ANO1: variants seen among roughly 807,000 people sequenced by gnomAD.
The protein encoded by ANO1 is anoctamin 1.
In ANO1, 59 loss-of-function variants were observed where a neutral mutation model predicts 124.0. The ratio of observed to expected loss-of-function variants is 0.48; its 90% CI spans 0.39 to 0.59. The LOEUF (loss-of-function observed/expected upper bound fraction) is 0.59. ANO1 is among the 20% of genes least tolerant of loss of function. ANO1 has a pLI of 0.00. For missense variants in ANO1, 1,059 were observed against 1,328.0 expected, an observed-to-expected ratio of 0.80 and a Z score of 3.15; for synonymous variants, 529 against 532.0, an observed-to-expected ratio of 0.99 and a Z score of 0.08.
At chr11:70,121,432 G>A (rs1565221232) in intron 8 of ANO1, among the ~76,000 whole-genome samples, 1 of 114,050 alleles carries the variant, frequency 8.8e-6, no homozygotes, top group African/African-American at 3.5e-5. Context: ...CTCTCTGTCA[G>A]TCTCTCTGTC....
intron 1 of ANO1, among the ~76,000 whole-genome samples, chr11:70,047,931 G>C (rs1465883321): frequency 4.6e-5 from 7 of 152,196 alleles, no homozygotes; most frequent in Non-Finnish European, 1.0e-4. Flanking sequence ...TATCGTTGTG[G>C]AATGAGAATG....
chr11:70,105,479 G>A (rs2045485202), intron 4 of ANO1, among the ~76,000 whole-genome samples: 1 of 152,166 alleles, frequency 6.6e-6, no homozygotes, highest in African/African-American at 2.4e-5. Flanking sequence ...GGGGCTGGAG[G>A]GTGGTCTGAC....
At chr11:70,152,035 C>T (rs569985857) in intron 12 of ANO1, among the ~76,000 whole-genome samples, 1 of 152,302 alleles carries the variant, frequency 6.6e-6, no homozygotes, top group South Asian at 2.1e-4. Flanking sequence ...CATCCTAATT[C>T]TTAAGAAAGT....
Position 69,993,733 on chromosome 11 carries a change from A to G in ANO1, c.58+7567A>G, listed in dbSNP as rs539432842. ...AATCTGTCCACTGCTTTCCATATCT[A>G]CAGACAAACAAGATGACTTCACTCT... On this transcript the variant is annotated intron_variant, in intron 1 of 27. Transcript: ENST00000531349. 3.9e-5 allele frequency among the ~76,000 whole-genome samples: 6 copies of G among 152,264 alleles called. No individual in the cohort carries two copies. In the East Asian group the frequency reaches 7.7e-4, roughly 20 times the overall value.
At chr11:70,174,862 G>T (rs1015680070) in intron 22 of ANO1, among the ~76,000 whole-genome samples, 1 of 151,898 alleles carries the variant, frequency 6.6e-6, no homozygotes, top group Non-Finnish European at 1.5e-5. Context: ...CCTGTCCCAT[G>T]GCAGTAAAGA....
At chr11:70,170,169 C>T (rs1324872910) in intron 21 of ANO1, 1 of 455,648 alleles carries the variant, frequency 2.2e-6, no homozygotes, top group South Asian at 1.5e-5. Flanking sequence ...GCCATGCAGG[C>T]AGGTCCCCCA....
At chr11:70,123,093 TC>T (rs942507778) in intron 8 of ANO1, among the ~76,000 whole-genome samples, 1 of 152,146 alleles carries the variant, frequency 6.6e-6, no homozygotes, top group African/African-American at 2.4e-5. Flanking sequence ...AGAGATCGCA[TC>T]CTTCAGTGTA....
intron 1 of ANO1, among the ~76,000 whole-genome samples, chr11:70,055,979 C>G (rs1857426445): frequency 6.6e-6 from 1 of 151,310 alleles, no homozygotes; most frequent in African/African-American, 2.5e-5. Flanking sequence ...TTCCCTCCCA[C>G]CCCACCTTTT....
At chr11:69,999,212 G>A (rs558414508) in intron 1 of ANO1, among the ~76,000 whole-genome samples, 17 of 152,218 alleles carry the variant, frequency 1.1e-4, no homozygotes, top group East Asian at 9.7e-4. Flanking sequence ...GGAGGAAGGC[G>A]AAGGGGAAGC....
At chr11:70,177,582 T>TC (rs1349745210) in intron 22 of ANO1, among the ~76,000 whole-genome samples, 1 of 144,194 alleles carries the variant, frequency 6.9e-6, no homozygotes, top group Non-Finnish European at 1.5e-5. Flanking sequence ...ATTTTTCTTT[T>TC]CTTTTTTTTT....
At chr11:70,129,253 G>C (rs910373127) in intron 10 of ANO1, 1 of 152,246 alleles carries the variant, frequency 6.6e-6, no homozygotes, top group Non-Finnish European at 1.5e-5. Context: ...CAACAGCGTT[G>C]GTGACCACGT....
chr11:69,979,889 T>A, the ANO1 span, among the ~76,000 whole-genome samples: 1 of 152,182 alleles, frequency 6.6e-6, no homozygotes, highest in East Asian at 1.9e-4. Flanking sequence ...AGGAGGTCCA[T>A]CATGCCTCCA....
At chr11:70,177,594 C>CTTTTTTTTTTCTT (rs1565281935) in intron 22 of ANO1, among the ~76,000 whole-genome samples, 12 of 78,928 alleles carry the variant, frequency 1.5e-4, no homozygotes, top group Admixed American at 1.9e-4. Context: ...TTTTTTTTTT[C>CTTTTTTTTTTCTT]TTTTTTTTTT....
At chr11:70,023,266 A>C (rs1312550038) in intron 1 of ANO1, among the ~76,000 whole-genome samples, 3 of 152,206 alleles carry the variant, frequency 2.0e-5, no homozygotes, top group African/African-American at 7.2e-5. Flanking sequence ...TTGGACCGGC[A>C]TGTGTTAGTG....
intron 1 of ANO1, among the ~76,000 whole-genome samples, chr11:70,019,744 T>C (rs188893702): frequency 1.2e-4 from 18 of 152,310 alleles, no homozygotes; most frequent in Non-Finnish European, 2.2e-4. Context: ...GCCCCTTGGG[T>C]AATTCTAGGG....
At chr11:70,125,986 G>C (rs181255586) in intron 9 of ANO1, 75 bp from the exon 10 acceptor site, 2 of 1,504,170 alleles carry the variant, frequency 1.3e-6, no homozygotes, top group East Asian at 2.4e-5. Context: ...CTCTTGCTGG[G>C]GAGGGCCTGT....
At chr11:70,154,105 G>T (rs1319677837) in intron 14 of ANO1, among the ~76,000 whole-genome samples, 1 of 152,170 alleles carries the variant, frequency 6.6e-6, no homozygotes, top group African/African-American at 2.4e-5. Context: ...TGTGGGACAA[G>T]CAGGCATGGA....
chr11:70,119,443 TGATG>T (rs1002455680), intron 8 of ANO1, among the ~76,000 whole-genome samples: 5 of 146,296 alleles, frequency 3.4e-5, no homozygotes, highest in African/African-American at 7.7e-5. Context: ...GAATAATTAA[TGATG>T]GATGGATGGA....
chr11:70,058,779 A>T (rs1230358098), intron 1 of ANO1, among the ~76,000 whole-genome samples: 1 of 152,216 alleles, frequency 6.6e-6, no homozygotes, highest in Non-Finnish European at 1.5e-5. Flanking sequence ...TCTTTAAAAG[A>T]TCATTAGTCC....
Sources: gnomAD v4.1 joint callset for allele counts (sites outside exome capture counted in the v4.1 genomes callset) on GRCh38, gnomAD v4.1.1 for gene constraint, MANE v1.5 for transcripts, NCBI Gene and HGNC (gene_info 2026-07-23, HGNC 2026-07-21) for gene names.